The following PRKCA variants were observed in gnomAD, a reference collection of about 807,000 sequenced individuals.
PRKCA encodes the protein protein kinase C alpha, also known as protein kinase C alpha type.
A neutral mutation model predicts 87.0 loss-of-function variants in PRKCA; 27 were observed. That is an observed-to-expected ratio of 0.31 (90% CI 0.23 to 0.43). The LOEUF (loss-of-function observed/expected upper bound fraction) is 0.43. Ranked by LOEUF, PRKCA falls within the 20% of genes least tolerant of loss-of-function variation. The pLI is 1.00. For synonymous variants in PRKCA, 329 were observed against 311.1 expected (o/e 1.06, Z -0.61); for missense variants, 518 against 852.3 (o/e 0.61, Z 4.88).
At chr17:66,697,986 T>G (rs1972966524) in intron 8 of PRKCA, among the ~76,000 whole-genome samples, 1 of 152,132 alleles carries the variant, frequency 6.6e-6, no homozygotes, top group Non-Finnish European at 1.5e-5. Context: ...AAAGAAGGCA[T>G]GCAAAGTCAA....
chr17:66,624,645 A>G (rs978685125), intron 3 of PRKCA, among the ~76,000 whole-genome samples: 1 of 152,072 alleles, frequency 6.6e-6, no homozygotes, highest in African/African-American at 2.4e-5. Context: ...TACTAAAAAT[A>G]CAAAAAATTA....
intron 2 of PRKCA, among the ~76,000 whole-genome samples, chr17:66,332,750 G>A (rs1906422139): frequency 1.3e-5 from 2 of 150,110 alleles, no homozygotes; most frequent in East Asian, 2.0e-4. Flanking sequence ...GGAGTGCAGT[G>A]GCATGATCTC....
chr17:66,513,699 C>T (rs1966878238), intron 3 of PRKCA, among the ~76,000 whole-genome samples: 1 of 152,028 alleles, frequency 6.6e-6, no homozygotes, highest in African/African-American at 2.4e-5. Context: ...TAAATTGATG[C>T]ATCAGTGTGA....
intron 2 of PRKCA, among the ~76,000 whole-genome samples, chr17:66,434,580 G>T (rs1363913098): frequency 6.6e-6 from 1 of 152,090 alleles, no homozygotes; most frequent in African/African-American, 2.4e-5. Context: ...GCATTTTGAC[G>T]ATTTCCCCCT....
intron 14 of PRKCA, among the ~76,000 whole-genome samples, chr17:66,778,851 A>G (rs1159695285): frequency 6.6e-6 from 1 of 151,910 alleles, no homozygotes; most frequent in Non-Finnish European, 1.5e-5. Flanking sequence ...TCTCCAAAAA[A>G]AAAAAAAAAA....
chr17:66,411,371 A>G (rs762815061), intron 2 of PRKCA, among the ~76,000 whole-genome samples: 1 of 151,990 alleles, frequency 6.6e-6, no homozygotes, highest in African/African-American at 2.4e-5. Context: ...CATGCTTGCA[A>G]ATTCTTAAGT....
chr17:66,435,339 T>G (rs532147440), intron 2 of PRKCA, among the ~76,000 whole-genome samples: 1 of 152,196 alleles, frequency 6.6e-6, no homozygotes, highest in African/African-American at 2.4e-5. Flanking sequence ...CTCTGACTTC[T>G]TTGTAAGTGC....
intron 3 of PRKCA, among the ~76,000 whole-genome samples, chr17:66,506,429 G>A (rs1346833107): frequency 6.6e-6 from 1 of 152,144 alleles, no homozygotes; most frequent in Non-Finnish European, 1.5e-5. Flanking sequence ...AGGGTCCTGT[G>A]TGTTTTCTCT....
intron 14 of PRKCA, chr17:66,775,230 G>A (rs916536172): frequency 2.0e-6 from 2 of 983,756 alleles, no homozygotes; most frequent in South Asian, 9.4e-5. Flanking sequence ...GTGGGGCACT[G>A]ACCCACAGGT....
At chr17:66,303,189 C>A (rs1257181479) in intron 1 of PRKCA, among the ~76,000 whole-genome samples, 165 bp downstream of exon 1, 1 of 152,084 alleles carries the variant, frequency 6.6e-6, no homozygotes. Context: ...GCCCTGACAC[C>A]GGCGGGCAGG....
chr17:66,398,349 G>A (rs1202931390), intron 2 of PRKCA: 2 of 152,180 alleles, frequency 1.3e-5, no homozygotes, highest in Non-Finnish European at 1.5e-5. Context: ...ACAAGGTGGT[G>A]GTCATACAAT....
intron 3 of PRKCA, among the ~76,000 whole-genome samples, chr17:66,507,342 C>G (rs955189785): frequency 3.3e-5 from 5 of 152,184 alleles, no homozygotes; most frequent in African/African-American, 1.2e-4. Context: ...GAGCACTAAG[C>G]TTTGAACTGG....
At chr17:66,503,942 C>T (rs920780306) in intron 3 of PRKCA, among the ~76,000 whole-genome samples, 3 of 152,096 alleles carry the variant, frequency 2.0e-5, no homozygotes, top group Non-Finnish European at 4.4e-5. Context: ...TGAACTGACA[C>T]GGTAAAGTTA....
At chr17:66,789,822 C>T (rs771700023) in intron 16 of PRKCA, among the ~76,000 whole-genome samples, 1 of 152,222 alleles carries the variant, frequency 6.6e-6, no homozygotes, top group Admixed American at 6.5e-5. Flanking sequence ...TTGTTGATTG[C>T]GGCCAGCAAG....
chr17:66,384,971 A>G (rs1027061333), intron 2 of PRKCA, among the ~76,000 whole-genome samples: 2 of 152,184 alleles, frequency 1.3e-5, no homozygotes, highest in Non-Finnish European at 2.9e-5. Context: ...ATGCCTGAGC[A>G]GGGGTTTTGA....
chr17:66,519,087 A>C (rs72843661), intron 3 of PRKCA, among the ~76,000 whole-genome samples: 22,350 of 152,148 alleles, frequency 0.15, 1,883 homozygotes, highest in East Asian at 0.3. Context: ...AAGTGGAGGC[A>C]ATGGGCTCAT....
chr17:66,685,992 T>TGAATCAGG (rs1276065560), intron 5 of PRKCA, among the ~76,000 whole-genome samples: 4 of 152,074 alleles, frequency 2.6e-5, no homozygotes, highest in African/African-American at 9.7e-5. Flanking sequence ...TGGGAACCAC[T>TGAATCAGG]GAATCAGGGA....
At chr17:66,429,882 C>T (rs1201099544) in intron 2 of PRKCA, among the ~76,000 whole-genome samples, 2 of 152,056 alleles carry the variant, frequency 1.3e-5, no homozygotes, top group South Asian at 2.1e-4. Context: ...AGACCTTTTA[C>T]TGAAGTGAAA....
intron 3 of PRKCA, among the ~76,000 whole-genome samples, chr17:66,602,494 G>A (rs1307543647): frequency 6.6e-6 from 1 of 151,714 alleles, no homozygotes; most frequent in African/African-American, 2.4e-5. Flanking sequence ...GATGAACCCG[G>A]TACCTCAGAT....
Sources: gnomAD v4.1 joint callset for allele counts (sites outside exome capture counted in the v4.1 genomes callset) on GRCh38, gnomAD v4.1.1 for gene constraint, MANE v1.5 for transcripts, NCBI Gene and HGNC (gene_info 2026-07-23, HGNC 2026-07-21) for gene names.